CYRIB: variants seen among roughly 807,000 people sequenced by gnomAD.
CYRIB encodes CYFIP related Rac1 interactor B.
A neutral mutation model predicts 44.2 loss-of-function variants in CYRIB; 8 were observed. The ratio of observed to expected loss-of-function variants is 0.18; its 90% CI spans 0.11 to 0.33. The LOEUF is 0.33. Ranked by LOEUF, CYRIB falls within the 10% of genes least tolerant of loss-of-function variation. The probability of loss-of-function intolerance (pLI) is 1.00; values close to 1 mark genes in which losing one functional copy is unlikely to be tolerated. For synonymous variants in CYRIB, 131 were observed against 127.2 expected, an observed-to-expected ratio of 1.03 and a Z score of -0.20; for missense variants, 185 against 382.8, an observed-to-expected ratio of 0.48 and a Z score of 4.31.
At chr8:129,884,885 A>T (rs1257794749) in intron 2 of CYRIB, among the ~76,000 whole-genome samples, 1 of 152,184 alleles carries the variant, frequency 6.6e-6, no homozygotes, top group African/African-American at 2.4e-5. Context: ...CTTACATTAG[A>T]CATTTGTTTC....
intron 2 of CYRIB, among the ~76,000 whole-genome samples, chr8:129,899,261 G>C (rs895109507): frequency 3.3e-5 from 5 of 152,054 alleles, no homozygotes; most frequent in African/African-American, 1.2e-4. Context: ...TAAAAAGCAG[G>C]TCCCATAATT....
At chr8:129,981,395 C>T (rs2096234417) in intron 1 of CYRIB, among the ~76,000 whole-genome samples, 1 of 152,186 alleles carries the variant, frequency 6.6e-6, no homozygotes, top group East Asian at 1.9e-4. Flanking sequence ...AAAAGATCTG[C>T]CAACCTCAGC....
intron 9 of CYRIB, chr8:129,850,617 C>A (rs923078034): frequency 1.6e-4 from 87 of 543,292 alleles, no homozygotes; most frequent in Non-Finnish European, 2.9e-5. Flanking sequence ...GTCTGAGGTA[C>A]CTGAAGACCA....
chr8:129,846,903 A>C (rs905998256), intron 10 of CYRIB, 29 bp from the exon 13 acceptor site: 3 of 1,420,816 alleles, frequency 2.1e-6, no homozygotes, highest in Non-Finnish European at 2.9e-6. Context: ...GAAAAGGTAA[A>C]ACAGCCATTT....
At chr8:130,006,013 T>C (rs2097052356) in intron 1 of CYRIB, among the ~76,000 whole-genome samples, 1 of 152,008 alleles carries the variant, frequency 6.6e-6, no homozygotes, top group Non-Finnish European at 1.5e-5. Flanking sequence ...ATTAAAAATA[T>C]GACTCCAGGC....
chr8:129,924,516 C>G (rs746864410), intron 1 of CYRIB, among the ~76,000 whole-genome samples: 2 of 152,074 alleles, frequency 1.3e-5, no homozygotes, highest in East Asian at 3.9e-4. Flanking sequence ...ACTGAACAAG[C>G]CGAACCCGTG....
intron 4 of CYRIB, among the ~76,000 whole-genome samples, chr8:129,866,185 A>G (rs1438637986): frequency 6.6e-6 from 1 of 152,244 alleles, no homozygotes; most frequent in Non-Finnish European, 1.5e-5. Flanking sequence ...ATCATTCAAC[A>G]AAGCTGGAAC....
intron 1 of CYRIB, among the ~76,000 whole-genome samples, chr8:129,973,251 A>G (rs900368977): frequency 1.3e-5 from 2 of 152,244 alleles, no homozygotes; most frequent in Admixed American, 1.3e-4. Flanking sequence ...AGACTTCCCC[A>G]AGGAGGTAAT....
intron 2 of CYRIB, among the ~76,000 whole-genome samples, chr8:129,883,592 C>T (rs2061602499): frequency 6.6e-6 from 1 of 152,088 alleles, no homozygotes; most frequent in South Asian, 2.1e-4. Context: ...TATATTTTAA[C>T]CTGGCCAAAA....
At chr8:129,923,198 G>A (rs1409843428) in intron 1 of CYRIB, among the ~76,000 whole-genome samples, 4 of 150,312 alleles carry the variant, frequency 2.7e-5, no homozygotes, top group Non-Finnish European at 4.4e-5. Context: ...AGCCGATATC[G>A]CGCCATTGCA....
chr8:129,961,920 T>C (rs2095276204), intron 2 of CYRIB, among the ~76,000 whole-genome samples: 1 of 152,198 alleles, frequency 6.6e-6, no homozygotes, highest in Non-Finnish European at 1.5e-5. Flanking sequence ...TGAGCTAGTT[T>C]CTTTAACAAA....
chr8:129,849,285 G>A lies in CYRIB; in HGVS notation c.798C>T (p.His266=), dbSNP rs767400281. The A allele has an allele frequency of 2.2e-5, 36 of 1,609,740 alleles. No homozygotes were observed. In the Admixed American group the frequency reaches 3.6e-4, roughly 16 times the overall value. Residue 266 remains histidine, a synonymous_variant, in exon 10 of 12, where the codon CAC becomes CAT. Transcript: ENST00000519824. ...TAGCAAATGCTCCCACTGGATGTAC[G>A]TGGTCATAGAGTATTATGACACCCA...
intron 1 of CYRIB, among the ~76,000 whole-genome samples, chr8:129,931,915 G>A (rs964034554): frequency 1.3e-5 from 2 of 151,784 alleles, no homozygotes; most frequent in African/African-American, 4.8e-5. Context: ...GCGTGAGTCA[G>A]TATGCCTGGC....
intron 2 of CYRIB, among the ~76,000 whole-genome samples, chr8:129,963,914 G>A (rs2095374242): frequency 1.3e-5 from 2 of 152,100 alleles, no homozygotes; most frequent in South Asian, 4.1e-4. Flanking sequence ...TTGACCATTT[G>A]GATTTCTTGT....
chr8:129,911,867 A>C (rs1453365596), intron 1 of CYRIB, among the ~76,000 whole-genome samples: 1 of 152,146 alleles, frequency 6.6e-6, no homozygotes, highest in Non-Finnish European at 1.5e-5. Flanking sequence ...CTACAATGGG[A>C]CTTTTCTGAT....
chr8:129,933,896 A>AAAGAAG (rs71923726), intron 1 of CYRIB, among the ~76,000 whole-genome samples: 35 of 150,470 alleles, frequency 2.3e-4, no homozygotes, highest in African/African-American at 7.8e-4. Flanking sequence ...ACAAAAAAAA[A>AAAGAAG]AAGAAGAAGA....
rs35845303 is a variant in CYRIB, at chr8:129,960,949, CA to C, written c.-243+9993del. On this transcript the variant is annotated intron_variant, in intron 2 of 14. Coordinates refer to the CYRIB transcript ENST00000401979. ...TGGGCGACAGAGCAAGACTCAGTCT[CA>C]AAAAAAAAAAAAAAAGAAAGAAAGA... Among the ~76,000 whole-genome samples, 548 of 102,818 alleles carry C rather than the reference CA, an allele frequency of 5.3e-3. 1 individual carries two copies. Among genetic ancestry groups the C allele is most frequent in the African/African-American group, 0.015 (423 of 29,122 alleles). The allele number at this position is 102,818 out of a possible 152,430, so 67.5% of individuals were successfully genotyped here. A position where few individuals can be genotyped will look rare whatever the true frequency, so the allele number is the denominator to read the frequency against.
intron 6 of CYRIB, 95 bp from the exon 9 acceptor site, chr8:129,854,438 A>C: frequency 1.3e-6 from 1 of 799,344 alleles, no homozygotes; most frequent in Non-Finnish European, 2.0e-6. Context: ...AGTATAAAAC[A>C]TTCCATAATT....
At chr8:129,912,971 CT>C (rs34861646) in intron 1 of CYRIB, among the ~76,000 whole-genome samples, 1,446 of 124,084 alleles carry the variant, frequency 0.012, 17 homozygotes, top group African/African-American at 0.039. Flanking sequence ...ATCTGCTTCA[CT>C]TTTTTTTTTT....
Sources: gnomAD v4.1 joint callset for allele counts (sites outside exome capture counted in the v4.1 genomes callset) on GRCh38, gnomAD v4.1.1 for gene constraint, MANE v1.5 for transcripts, NCBI Gene and HGNC (gene_info 2026-07-23, HGNC 2026-07-21) for gene names.